ZNF383: variants seen among roughly 807,000 people sequenced by gnomAD.
The protein encoded by ZNF383 is zinc finger protein 383.
ZNF383 carries 32 observed loss-of-function variants against 44.2 expected under a neutral mutation model. That is an observed-to-expected ratio of 0.72 (90% confidence interval 0.55 to 0.97). The LOEUF is 0.97. ZNF383 is among the 50% of genes least tolerant of loss of function. The pLI is 0.00. For synonymous variants in ZNF383, 155 were observed against 186.2 expected (o/e 0.83, Z 1.36); for missense variants, 487 against 562.5 (o/e 0.87, Z 1.36).
rs755118499 is a variant in ZNF383, at chr19:37,230,468, T to C, written c.9+6T>C. The stretch of plus-strand genomic sequence containing the variant: ...TACTAGAAGCCATGGCTGAGGTGAG[T>C]TGATGCTTTTTCTTGCCTTCCTGAC... On this transcript the variant is annotated splice_donor_region_variant and intron_variant, in intron 3 of 5. Coordinates refer to ENST00000684119, the MANE Select transcript of ZNF383 (RefSeq NM_001387601.1). 3.1e-6 allele frequency: 5 copies of C among 1,612,990 alleles called. No individual in the cohort carries two copies. The highest frequency in any genetic ancestry group is 4.2e-6 in the Non-Finnish European group (5 of 1,179,776).
intron 3 of ZNF383, among the ~76,000 whole-genome samples, chr19:37,231,617 G>A (rs1973489752): frequency 1.3e-5 from 2 of 152,144 alleles, no homozygotes; most frequent in South Asian, 4.1e-4. Flanking sequence ...GAATATATTA[G>A]ATGAAGGACA....
Position 37,246,189 on chromosome 19 carries a change from G to C in ZNF383, c.*2525G>C, listed in dbSNP as rs1408704065. ...GAGTCAATGAATTAATAAATGCAAAGTACCTCAAACTGTTATCACATAATA... is the reference window on the plus strand; with the variant it reads ...GAGTCAATGAATTAATAAATGCAAACTACCTCAAACTGTTATCACATAATA... On this transcript the variant is annotated 3_prime_UTR_variant, in exon 6 of 6. Transcript: ENST00000684119. 2 of 152,164 alleles carry C rather than the reference G, an allele frequency of 1.3e-5. No individual in the cohort carries two copies. The highest frequency in any genetic ancestry group is 2.9e-5 in the Non-Finnish European group (2 of 68,034). The allele number at this position is 152,164 out of a possible 1,614,324, so 9.4% of individuals were successfully genotyped here. A position where few individuals can be genotyped will look rare whatever the true frequency, so the allele number is the denominator to read the frequency against.
intron 3 of ZNF383, among the ~76,000 whole-genome samples, chr19:37,232,507 T>C (rs1973548183): frequency 6.6e-6 from 1 of 152,234 alleles, no homozygotes; most frequent in Non-Finnish European, 1.5e-5. Context: ...AATAAGGTCA[T>C]GATGCATAAT....
chr19:37,224,746 G>A (rs543426720), intron 1 of ZNF383, 72 bp from the exon 2 acceptor site: 307 of 133,438 alleles, frequency 2.3e-3, no homozygotes, highest in Middle Eastern at 7.7e-3. Flanking sequence ...CAATGATTTT[G>A]TTTTCATTTT....
In ZNF383 at chr19:37,242,755, G is replaced by A. The variant is rs1974181388; in HGVS notation, c.519G>A (p.Lys173=). The change falls in exon 6 of 6, where the codon AAG becomes AAA. Residue 173 remains lysine (K), a synonymous_variant. Transcript: ENST00000684119. ...ATGAAGACAGACCCTATGAATGTAAGAAATGTGGAAAGGCCTTTAGTCAGA... is the reference window on the plus strand; with the variant it reads ...ATGAAGACAGACCCTATGAATGTAAAAAATGTGGAAAGGCCTTTAGTCAGA... ...INNEDRPYEC[K]KCGKAFSQNS... is the part of the protein sequence containing the mutation. 1 of 1,614,112 alleles carries A rather than the reference G, an allele frequency of 6.2e-7. No homozygotes were observed. Among genetic ancestry groups the A allele is most frequent in the East Asian group, 2.2e-5 (1 of 44,874 alleles).
intron 5 of ZNF383, among the ~76,000 whole-genome samples, chr19:37,236,365 T>G (rs1274599300): frequency 1.3e-5 from 2 of 152,006 alleles, no homozygotes; most frequent in Admixed American, 6.6e-5. Context: ...ATTCAGCTGC[T>G]TGCTAGCTTT....
chr19:37,235,009 C>T (rs1215714175), intron 3 of ZNF383, among the ~76,000 whole-genome samples: 1 of 152,082 alleles, frequency 6.6e-6, no homozygotes, highest in Non-Finnish European at 1.5e-5. Context: ...TACAGTGGCT[C>T]ATGTCGTAAT....
chr19:37,248,197 T>TA lies in ZNF383; in HGVS notation c.*4539dup, dbSNP rs1249640957. ...TATTTTAAATGTCAAATTGCTACAC[T>TA]AAAAAAGACACCAAGGTAGAGATTT... On this transcript the variant is annotated 3_prime_UTR_variant, in exon 6 of 6. Transcript: ENST00000684119. 4 of 152,136 alleles carry TA rather than the reference T, an allele frequency of 2.6e-5. No individual in the cohort carries two copies. The highest frequency in any genetic ancestry group is 9.7e-5 in the African/African-American group (4 of 41,418). The allele number at this position is 152,136 out of a possible 1,614,324, so 9.4% of individuals were successfully genotyped here. A position where few individuals can be genotyped will look rare whatever the true frequency, so the allele number is the denominator to read the frequency against.
rs542875068 is a variant in ZNF383 at position 37,232,038 on chromosome 19, T to A, written c.9+1576T>A. On this transcript the variant is annotated intron_variant, in intron 3 of 5. Transcript: ENST00000684119. ...TTGACAAAACTAATTAGTATTTTTT[T>A]ATAAGTAAAACATTTTCCTTTTTTC... 1.1e-3 allele frequency among the ~76,000 whole-genome samples: 166 copies of A among 152,276 alleles called. 1 individual carries two copies. The highest frequency in any genetic ancestry group is 3.8e-3 in the African/African-American group (158 of 41,578).
intron 3 of ZNF383, among the ~76,000 whole-genome samples, chr19:37,234,440 G>A (rs1160576250): frequency 6.6e-6 from 1 of 152,134 alleles, no homozygotes; most frequent in East Asian, 1.9e-4. Flanking sequence ...CCAGGCTGGA[G>A]TGCAGTGGCG....
At chr19:37,237,057 G>T (rs1331969900) in intron 5 of ZNF383, among the ~76,000 whole-genome samples, 2 of 151,730 alleles carry the variant, frequency 1.3e-5, no homozygotes, top group Admixed American at 6.6e-5. Flanking sequence ...GCCTGTCAGT[G>T]ACCTGTTTTA....
Position 37,243,297 on chromosome 19 carries a change from C to T in ZNF383, c.1061C>T (p.Thr354Ile). Residue 354 changes from threonine (T) to isoleucine (I), a missense_variant, in exon 6 of 6, where the codon ACT (threonine) becomes ATT (isoleucine). By Grantham distance (89) the Thr-to-Ile change is moderately conservative. Transcript: ENST00000684119. ...GKAFSSGSAL[T>I]NHQRIHTGEK... is the part of the protein sequence containing the mutation. ...GCCTTTAGTAGTGGCTCAGCACTTA[C>T]TAATCATCAGAGAATTCACACTGGT... 1 of 1,613,896 alleles carries T rather than the reference C, an allele frequency of 6.2e-7. No individual in the cohort carries two copies. Among genetic ancestry groups the T allele is most frequent in the Non-Finnish European group, 8.5e-7 (1 of 1,179,960 alleles).
chr19:37,237,800 T>G (rs932360218), intron 5 of ZNF383, among the ~76,000 whole-genome samples: 2 of 151,418 alleles, frequency 1.3e-5, no homozygotes, highest in African/African-American at 4.9e-5. Context: ...CCGAAACCCA[T>G]CCTTGAGGGA....
chr19:37,232,103 T>C (rs1431395577), intron 3 of ZNF383, among the ~76,000 whole-genome samples: 1 of 150,586 alleles, frequency 6.6e-6, no homozygotes, highest in African/African-American at 2.4e-5. Flanking sequence ...TGAGACGGAG[T>C]CTCACTCTGT....
Position 37,243,752 on chromosome 19 carries a change from C to A in ZNF383, c.*88C>A. ...CCCTCTTCCGTAGTTTTTTTTAAAA[C>A]TTTGTATTTAAATTTTGTATCCAAA... On this transcript the variant is annotated 3_prime_UTR_variant, in exon 6 of 6. Coordinates refer to ENST00000684119, the MANE Select transcript of ZNF383 (RefSeq NM_001387601.1). 3 of 914,484 alleles carry A rather than the reference C, an allele frequency of 3.3e-6. No individual in the cohort carries two copies. Among genetic ancestry groups the A allele is most frequent in the Non-Finnish European group, 4.7e-6 (3 of 640,020 alleles). 56.6% of individuals were successfully genotyped at this position (914,484 alleles called of 1,614,324 possible).
intron 5 of ZNF383, among the ~76,000 whole-genome samples, chr19:37,239,719 T>C (rs552259592): frequency 1.3e-5 from 2 of 151,824 alleles, no homozygotes; most frequent in Non-Finnish European, 2.9e-5. Flanking sequence ...GATTAAAGGG[T>C]GAGAGAGCTT....
intron 1 of ZNF383, among the ~76,000 whole-genome samples, chr19:37,222,062 C>T (rs1231482600): frequency 6.6e-6 from 1 of 151,786 alleles, no homozygotes; most frequent in Non-Finnish European, 1.5e-5. Context: ...TTGTCCAGTT[C>T]ACTCACTACC....
rs112425546 is a variant in ZNF383, at chr19:37,231,325, A to T, written c.9+863A>T. On this transcript the variant is annotated intron_variant, in intron 3 of 5. Transcript: ENST00000684119. ...GATCACCTGAGGTCAGGAGTTAGAG[A>T]CTGGGCTGGCCAACATGGTGAAACC... Among the ~76,000 whole-genome samples, 21 of 152,184 alleles carry T rather than the reference A, an allele frequency of 1.4e-4. 2 individuals are homozygous for T. Among genetic ancestry groups the T allele is most frequent in the African/African-American group, 5.1e-4 (21 of 41,540 alleles).
intron 3 of ZNF383, among the ~76,000 whole-genome samples, chr19:37,231,127 A>G (rs1250186909): frequency 6.6e-6 from 1 of 152,254 alleles, no homozygotes; most frequent in Non-Finnish European, 1.5e-5. Context: ...CAGCCAATGC[A>G]TAAGTCATGT....
Sources: allele counts gnomAD v4.1 joint callset (sites outside exome capture counted in the v4.1 genomes callset), GRCh38; gene constraint gnomAD v4.1.1; transcripts MANE v1.5; gene names NCBI Gene and HGNC (gene_info 2026-07-23, HGNC 2026-07-21).